LRMDA: variants seen among roughly 807,000 people sequenced by gnomAD.
The protein encoded by LRMDA is leucine-rich melanocyte differentiation-associated protein.
Under a neutral mutation model 29.8 loss-of-function variants are expected in LRMDA, and 18 were observed. The observed-to-expected ratio is 0.60, with a 90% CI of 0.42 to 0.90. The LOEUF (loss-of-function observed/expected upper bound fraction) is 0.90. LRMDA is among the 40% of genes least tolerant of loss of function. LRMDA has a pLI of 0.00. For synonymous variants in LRMDA, 125 were observed against 109.4 expected (o/e 1.14, Z -0.89); for missense variants, 273 against 273.9 (o/e 1.00, Z 0.02).
intron 5 of LRMDA, among the ~76,000 whole-genome samples, chr10:76,230,554 C>A (rs375105767): frequency 2.0e-3 from 231 of 114,592 alleles, no homozygotes; most frequent in Middle Eastern, 5.2e-3. Flanking sequence ...GTTAAGAGGG[C>A]AAAAAAAAAA....
At chr10:75,743,892 C>G (rs1231211002) in intron 2 of LRMDA, 3 of 152,280 alleles carry the variant, frequency 2.0e-5, no homozygotes, top group Admixed American at 1.3e-4. Flanking sequence ...TTCCCCACCC[C>G]CAAGTGCTCC....
chr10:76,355,475 A>G (rs1465595644), intron 6 of LRMDA, among the ~76,000 whole-genome samples: 5 of 152,202 alleles, frequency 3.3e-5, no homozygotes, highest in Non-Finnish European at 7.4e-5. Flanking sequence ...AGTACATGCA[A>G]TGTGCCAACA....
At chr10:75,504,311 T>C (rs1286214423) in intron 2 of LRMDA, among the ~76,000 whole-genome samples, 1 of 152,186 alleles carries the variant, frequency 6.6e-6, no homozygotes, top group African/African-American at 2.4e-5. Flanking sequence ...AGTGCCTCTA[T>C]GTGCCATGCA....
At chr10:75,697,962 A>G (rs1182143675) in intron 2 of LRMDA, among the ~76,000 whole-genome samples, 3 of 152,100 alleles carry the variant, frequency 2.0e-5, no homozygotes, top group African/African-American at 7.2e-5. Context: ...TGCCATCCTA[A>G]GTGCTTTATT....
At chr10:76,391,602 T>G (rs946747331) in intron 6 of LRMDA, among the ~76,000 whole-genome samples, 2 of 152,184 alleles carry the variant, frequency 1.3e-5, no homozygotes, top group Non-Finnish European at 2.9e-5. Flanking sequence ...GCCATGCAAA[T>G]TAAACTAAGG....
intron 2 of LRMDA, among the ~76,000 whole-genome samples, chr10:75,449,165 A>AG (rs1479775169): frequency 2.0e-5 from 3 of 152,064 alleles, no homozygotes; most frequent in Admixed American, 6.5e-5. Context: ...AAAAAAAAAA[A>AG]AAAAAAAGAA....
At chr10:76,282,923 A>C (rs1016165519) in intron 5 of LRMDA, among the ~76,000 whole-genome samples, 2 of 152,092 alleles carry the variant, frequency 1.3e-5, no homozygotes, top group Non-Finnish European at 2.9e-5. Flanking sequence ...TCCAAACAGA[A>C]GTCTGTTTGC....
At chr10:75,703,994 C>T (rs1054271116) in intron 2 of LRMDA, among the ~76,000 whole-genome samples, 6 of 152,146 alleles carry the variant, frequency 3.9e-5, no homozygotes, top group Non-Finnish European at 5.9e-5. Flanking sequence ...TAAAATGTGC[C>T]GACGCTTGCT....
chr10:76,491,936 C>A (rs1424337573), intron 6 of LRMDA, among the ~76,000 whole-genome samples: 1 of 151,978 alleles, frequency 6.6e-6, no homozygotes, highest in African/African-American at 2.4e-5. Context: ...TCTTCAATCT[C>A]ACTGATTCTT....
chr10:75,815,990 G>A (rs1017226081), intron 2 of LRMDA, among the ~76,000 whole-genome samples: 3 of 152,168 alleles, frequency 2.0e-5, no homozygotes, highest in Non-Finnish European at 2.9e-5. Flanking sequence ...TTGAACCTAG[G>A]CAGTCTGGTA....
intron 6 of LRMDA, among the ~76,000 whole-genome samples, chr10:76,459,817 G>T (rs186438935): frequency 1.1e-3 from 170 of 152,068 alleles, no homozygotes; most frequent in African/African-American, 4.0e-3. Flanking sequence ...GGTACAACGT[G>T]CAGGTTTGTT....
chr10:76,453,331 C>T (rs1842425513), intron 6 of LRMDA, among the ~76,000 whole-genome samples: 2 of 152,140 alleles, frequency 1.3e-5, no homozygotes, highest in African/African-American at 2.4e-5. Flanking sequence ...TATTTAGTTG[C>T]CAACTAAGGT....
intron 6 of LRMDA, chr10:76,403,336 G>T (rs914716999): frequency 6.6e-6 from 1 of 151,860 alleles, no homozygotes; most frequent in African/African-American, 2.4e-5. Context: ...TCTTGTCACT[G>T]ATCTTGGAAG....
intron 2 of LRMDA, among the ~76,000 whole-genome samples, chr10:75,885,038 G>A (rs545679536): frequency 2.0e-5 from 3 of 150,802 alleles, no homozygotes; most frequent in South Asian, 2.1e-4. Context: ...TCAGGAGGCC[G>A]GGGGAGGACA....
At chr10:75,746,445 T>C (rs1231146180) in intron 2 of LRMDA, among the ~76,000 whole-genome samples, 2 of 152,220 alleles carry the variant, frequency 1.3e-5, no homozygotes, top group Non-Finnish European at 2.9e-5. Context: ...TCAGAACTTC[T>C]AGTTCAGGAC....
intron 6 of LRMDA, among the ~76,000 whole-genome samples, chr10:76,352,270 A>T (rs1841186522): frequency 6.6e-6 from 1 of 152,096 alleles, no homozygotes; most frequent in Admixed American, 6.6e-5. Context: ...AACTGTGGTA[A>T]AGTTTAGTAT....
At chr10:75,785,355 G>GC (rs5786187) in intron 2 of LRMDA, among the ~76,000 whole-genome samples, 120,283 of 152,084 alleles carry the variant, frequency 0.79, 48,038 homozygotes, top group East Asian at 0.98. Flanking sequence ...GGGTGTGGAG[G>GC]AGCAAAGCTC....
chr10:76,555,820 T>C (rs1297282840), intron 6 of LRMDA, among the ~76,000 whole-genome samples: 2 of 145,746 alleles, frequency 1.4e-5, no homozygotes, highest in African/African-American at 5.4e-5. Context: ...ATCACACTGA[T>C]GGAAAAAAAA....
intron 6 of LRMDA, among the ~76,000 whole-genome samples, chr10:76,482,047 G>A (rs907482470): frequency 8.6e-5 from 13 of 151,842 alleles, no homozygotes; most frequent in Admixed American, 3.9e-4. Flanking sequence ...AACACCACCC[G>A]TCTCTGCCTG....
Sources: gnomAD v4.1 joint callset for allele counts (sites outside exome capture counted in the v4.1 genomes callset) on GRCh38, gnomAD v4.1.1 for gene constraint, MANE v1.5 for transcripts, NCBI Gene and HGNC (gene_info 2026-07-23, HGNC 2026-07-21) for gene names.